Variants in MBNL1 observed in about 807,000 individuals in gnomAD.
The protein encoded by MBNL1 is muscleblind-like protein 1.
Under a neutral mutation model 42.2 loss-of-function variants are expected in MBNL1, and 8 were observed. The ratio of observed to expected loss-of-function variants is 0.19; its 90% CI spans 0.11 to 0.34. MBNL1 has a LOEUF of 0.34. MBNL1 is among the 10% of genes least tolerant of loss of function. The pLI, the probability that MBNL1 is intolerant of heterozygous loss-of-function variation, is 1.00. For synonymous variants in MBNL1, 169 were observed against 173.9 expected (o/e 0.97, Z 0.22); for missense variants, 309 against 495.3 (o/e 0.62, Z 3.57).
chr3:152,368,746 A>T (rs1020002417), intron 2 of MBNL1, among the ~76,000 whole-genome samples: 2 of 152,100 alleles, frequency 1.3e-5, no homozygotes, highest in African/African-American at 4.8e-5. Context: ...TGTAAGTTAT[A>T]TTCCTAGGTA....
intron 2 of MBNL1, among the ~76,000 whole-genome samples, chr3:152,372,796 C>T (rs764800154): frequency 2.0e-5 from 3 of 152,210 alleles, no homozygotes; most frequent in African/African-American, 7.2e-5. Flanking sequence ...CTTGAGGAGG[C>T]AGTCTGTCCC....
chr3:152,265,448 A>G, upstream of MBNL1: 1 of 151,202 alleles, frequency 6.6e-6, no homozygotes, highest in Non-Finnish European at 1.5e-5. Context: ...TATATTGCAG[A>G]GGCAGTGAGA....
At chr3:152,397,362 C>A (rs1560436931) in intron 2 of MBNL1, among the ~76,000 whole-genome samples, 1 of 152,102 alleles carries the variant, frequency 6.6e-6, no homozygotes, top group Non-Finnish European at 1.5e-5. Flanking sequence ...CTGCTAGCAC[C>A]CCTACCCCTG....
intron 2 of MBNL1, among the ~76,000 whole-genome samples, chr3:152,341,968 A>G (rs574046777): frequency 2.0e-5 from 3 of 152,316 alleles, no homozygotes; most frequent in South Asian, 2.1e-4. Context: ...GTAGTAATGT[A>G]TGGATTACCT....
chr3:152,454,986 T>C (rs1730771761), intron 6 of MBNL1, among the ~76,000 whole-genome samples: 1 of 152,180 alleles, frequency 6.6e-6, no homozygotes, highest in Non-Finnish European at 1.5e-5. Flanking sequence ...ACCCCTTTCA[T>C]GTTTATATGG....
rs747466168 is a variant in MBNL1, at chr3:152,300,215, A to G, written c.22A>G (p.Ile8Val). The G allele has an allele frequency of 2.5e-6, 4 of 1,608,802 alleles. No homozygotes were observed. Among genetic ancestry groups the G allele is most frequent in the Non-Finnish European group, 2.5e-6 (3 of 1,177,076 alleles). The change falls in exon 2 of 10, where the codon ATT becomes GTT. Residue 8 changes from isoleucine to valine, a missense_variant. Physicochemically the swap from Ile to Val is conservative, Grantham distance 29. Transcript: ENST00000324210. The stretch of plus-strand genomic sequence containing the variant: ...AAACATGGCTGTTAGTGTCACACCA[A>G]TTCGGGACACAAAATGGCTAACACT... MAVSVTP[I>V]RDTKWLTLEV...
At chr3:152,310,905 T>C (rs1014967838) in intron 2 of MBNL1, among the ~76,000 whole-genome samples, 6 of 152,012 alleles carry the variant, frequency 3.9e-5, no homozygotes, top group Non-Finnish European at 5.9e-5. Context: ...TAAGGAAGTG[T>C]TTCATTTCAT....
intron 2 of MBNL1, among the ~76,000 whole-genome samples, chr3:152,391,278 CCTTT>C (rs2097705409): frequency 6.6e-6 from 1 of 151,966 alleles, no homozygotes; most frequent in African/African-American, 2.4e-5. Flanking sequence ...ATTAAGTTGC[CCTTT>C]CTTAGATAAA....
intron 2 of MBNL1, among the ~76,000 whole-genome samples, chr3:152,326,782 T>A (rs557683789): frequency 1.4e-5 from 2 of 139,468 alleles, no homozygotes; most frequent in Non-Finnish European, 3.2e-5. Context: ...GGGAAAATTA[T>A]TTATTTATTT....
rs576987527 is a variant in MBNL1 at position 152,352,808 on chromosome 3, TG to T, written c.174+52442del. On this transcript the variant is annotated intron_variant, in intron 2 of 9. Coordinates refer to ENST00000324210, the MANE Select transcript of MBNL1 (RefSeq NM_021038.5). Reference sequence around the variant, plus strand: ...GACACATCATTTGCCCTGCATGTACTGTGGCTAACACTGTTGTGTCAGTGCT... The same window carrying T: ...GACACATCATTTGCCCTGCATGTACTTGGCTAACACTGTTGTGTCAGTGCT... Among the ~76,000 whole-genome samples, 456 of 152,368 alleles carry T rather than the reference TG, an allele frequency of 3.0e-3. 10 individuals carry two copies. The highest frequency in any genetic ancestry group is 1.1e-3 in the Non-Finnish European group (75 of 68,028).
At chr3:152,407,367 T>G (rs2098459013) in intron 2 of MBNL1, among the ~76,000 whole-genome samples, 1 of 151,976 alleles carries the variant, frequency 6.6e-6, no homozygotes. Flanking sequence ...AAATATTGAT[T>G]AGGATTGCTA....
upstream of MBNL1, chr3:152,267,916 A>G (rs1161358730): frequency 6.6e-6 from 1 of 152,218 alleles, no homozygotes; most frequent in Non-Finnish European, 1.5e-5. Context: ...AACGTTTTTC[A>G]CTAGAATCAT....
At chr3:152,296,864 TG>T (rs10716132) in intron 1 of MBNL1, among the ~76,000 whole-genome samples, 108,832 of 152,060 alleles carry the variant, frequency 0.72, 39,114 homozygotes, top group East Asian at 0.81. Context: ...TGCATCATTA[TG>T]GCTAAGCCAT....
rs773981630 is a variant in MBNL1 at position 152,300,280 on chromosome 3, G to A, written c.87G>A (p.Arg29=). ...AGTTCCAGAGGGGGACTTGCTCACG[G>A]CCAGACACGGAATGTAAATTTGCAC... ...CREFQRGTCS[R]PDTECKFAHP... is the part of the protein sequence containing the mutation. Residue 29 remains arginine (R), a synonymous_variant, in exon 2 of 10, where the codon CGG becomes CGA. Coordinates refer to ENST00000324210, the MANE Select transcript of MBNL1 (RefSeq NM_021038.5). 1.9e-6 allele frequency: 3 copies of A among 1,613,958 alleles called. No homozygotes were observed. The highest frequency in any genetic ancestry group is 1.1e-5 in the South Asian group (1 of 91,070).
intron 2 of MBNL1, among the ~76,000 whole-genome samples, chr3:152,330,626 TC>T (rs2083736080): frequency 6.6e-6 from 1 of 152,154 alleles, no homozygotes; most frequent in Admixed American, 6.5e-5. Flanking sequence ...AATACAGTAA[TC>T]CCCCCTTATC....
intron 2 of MBNL1, among the ~76,000 whole-genome samples, chr3:152,253,530 C>T (rs1235712820): frequency 6.6e-6 from 1 of 152,128 alleles, no homozygotes; most frequent in East Asian, 1.9e-4. Flanking sequence ...ATGTGACCTC[C>T]TGCTCAAAAT....
chr3:152,417,893 A>G (rs376632370), intron 3 of MBNL1, among the ~76,000 whole-genome samples: 93 of 152,328 alleles, frequency 6.1e-4, no homozygotes, highest in African/African-American at 2.2e-3. Flanking sequence ...ATATGCCACT[A>G]AGCTTGGGTT....
At chr3:152,387,821 G>A (rs1308055810) in intron 2 of MBNL1, among the ~76,000 whole-genome samples, 1 of 152,060 alleles carries the variant, frequency 6.6e-6, no homozygotes, top group African/African-American at 2.4e-5. Flanking sequence ...ATAAGTATGT[G>A]TACACACATG....
At chr3:152,314,361 C>T (rs1577668437) in intron 2 of MBNL1, among the ~76,000 whole-genome samples, 3 of 151,186 alleles carry the variant, frequency 2.0e-5, no homozygotes, top group Admixed American at 2.0e-4. Flanking sequence ...TGAAATGGTC[C>T]GTTTTGCTCC....
Sources: allele counts gnomAD v4.1 joint callset (sites outside exome capture counted in the v4.1 genomes callset), GRCh38; gene constraint gnomAD v4.1.1; transcripts MANE v1.5; gene names NCBI Gene and HGNC (gene_info 2026-07-23, HGNC 2026-07-21).